TRDN: variants seen among roughly 807,000 people sequenced by gnomAD.
The protein encoded by TRDN is triadin.
TRDN carries 161 observed loss-of-function variants against 149.7 expected under a neutral mutation model. That is an observed-to-expected ratio of 1.08 (90% confidence interval 0.95 to 1.23). The LOEUF (loss-of-function observed/expected upper bound fraction) is 1.23, where lower values mean the gene tolerates loss of function less well. Among genes scored for constraint, TRDN ranks in the 50% most tolerant of loss-of-function variants. The pLI, the probability that TRDN is intolerant of heterozygous loss-of-function variation, is 0.00. For missense variants in TRDN, 896 were observed against 823.5 expected (o/e 1.09, Z -1.08); for synonymous variants, 294 against 250.5 (o/e 1.17, Z -1.64).
chr6:123,531,136 T>G (rs1780233411), intron 4 of TRDN, among the ~76,000 whole-genome samples: 1 of 151,992 alleles, frequency 6.6e-6, no homozygotes, highest in African/African-American at 2.4e-5. Flanking sequence ...AACATCAGGT[T>G]TTAGCAAATA....
At chr6:123,240,582 C>A (rs1232108303) in intron 38 of TRDN, among the ~76,000 whole-genome samples, 1 of 151,674 alleles carries the variant, frequency 6.6e-6, no homozygotes, top group Non-Finnish European at 1.5e-5. Context: ...TTCAGCAATT[C>A]AGTTTATTTT....
chr6:123,570,594 T>G (rs1782521181), intron 2 of TRDN, among the ~76,000 whole-genome samples: 1 of 152,204 alleles, frequency 6.6e-6, no homozygotes, highest in South Asian at 2.1e-4. Context: ...TTATTCCTTA[T>G]TAATGCTTGA....
chr6:123,311,846 G>T (rs1778835920), intron 24 of TRDN, among the ~76,000 whole-genome samples: 1 of 151,966 alleles, frequency 6.6e-6, no homozygotes, highest in Non-Finnish European at 1.5e-5. Context: ...GACTTCACAG[G>T]ATGTATGACA....
chr6:123,428,917 G>A (rs559182710), intron 12 of TRDN, among the ~76,000 whole-genome samples: 108 of 152,242 alleles, frequency 7.1e-4, no homozygotes, highest in African/African-American at 2.6e-3. Flanking sequence ...TTCCTTGCAT[G>A]TATTATGGGA....
intron 1 of TRDN, among the ~76,000 whole-genome samples, chr6:123,597,858 A>G (rs1784108730): frequency 6.6e-6 from 1 of 152,132 alleles, no homozygotes; most frequent in Admixed American, 6.6e-5. Context: ...GTACTGGGAT[A>G]CCAAAGAATT....
intron 10 of TRDN, among the ~76,000 whole-genome samples, chr6:123,454,815 G>A (rs1442381786): frequency 6.6e-6 from 1 of 152,188 alleles, no homozygotes; most frequent in African/African-American, 2.4e-5. Flanking sequence ...CTGATGATCT[G>A]AAGTGGAACA....
rs770273678 is a variant in TRDN at position 123,559,261 on chromosome 6, A to G, written c.233-10649T>C. ...TCAAGGGCCTGTTTCCCTTGCCTCC[A>G]TAACTGTTGTGGGTATTGATGGCCA... On this transcript the variant is annotated intron_variant, in intron 2 of 40. Coordinates refer to ENST00000334268, the MANE Select transcript of TRDN (RefSeq NM_006073.4). Among the ~76,000 whole-genome samples the G allele has an allele frequency of 1.4e-4, 21 of 152,250 alleles. No homozygotes were observed. The East Asian group carries it at 1.9e-3, about 14-fold the overall frequency.
At chr6:123,595,109 C>T (rs1174261889) in intron 1 of TRDN, among the ~76,000 whole-genome samples, 2 of 152,024 alleles carry the variant, frequency 1.3e-5, no homozygotes, top group Non-Finnish European at 2.9e-5. Flanking sequence ...GCAACATTTC[C>T]TGGTGTCCTG....
chr6:123,551,203 GATATAT>G (rs10547981), intron 2 of TRDN, among the ~76,000 whole-genome samples: 69,508 of 118,222 alleles, frequency 0.59, 22,451 homozygotes, highest in East Asian at 0.9. Context: ...GTATTTTGCA[GATATAT>G]ATATATATAT....
intron 2 of TRDN, among the ~76,000 whole-genome samples, chr6:123,567,038 G>T (rs547673676): frequency 6.6e-6 from 1 of 152,200 alleles, no homozygotes; most frequent in Admixed American, 6.5e-5. Context: ...CCATTGGAGA[G>T]CTGCAATTAA....
At chr6:123,524,433 G>A (rs561477852) in intron 5 of TRDN, among the ~76,000 whole-genome samples, 1 of 152,170 alleles carries the variant, frequency 6.6e-6, no homozygotes, top group South Asian at 2.1e-4. Context: ...AATGCTAAGG[G>A]ATTATCCAAT....
At position 123,450,937 on chromosome 6, in the gene TRDN, T is replaced by A. The variant is rs1238483457; in HGVS notation, c.932-11934A>T. ...CAGTGGAATAAAACTGGAAATCAAC[T>A]GCAAAAGGAATCTTCAAAACCATGC... On this transcript the variant is annotated intron_variant, in intron 10 of 40. Coordinates refer to ENST00000334268, the MANE Select transcript of TRDN (RefSeq NM_006073.4). 4.6e-5 allele frequency among the ~76,000 whole-genome samples: 7 copies of A among 152,090 alleles called. No individual in the cohort carries two copies. The East Asian group carries it at 1.2e-3, about 25-fold the overall frequency.
intron 38 of TRDN, among the ~76,000 whole-genome samples, chr6:123,225,477 T>A (rs1775318934): frequency 6.6e-6 from 1 of 151,560 alleles, no homozygotes; most frequent in African/African-American, 2.4e-5. Flanking sequence ...CTTGAAACTT[T>A]CTAAGAGAGT....
At chr6:123,465,824 C>T (rs945347809) in intron 9 of TRDN, among the ~76,000 whole-genome samples, 7 of 152,158 alleles carry the variant, frequency 4.6e-5, no homozygotes, top group African/African-American at 1.7e-4. Flanking sequence ...GCAACATGGG[C>T]ATGTGTAACT....
At chr6:123,488,581 T>G (rs1778072559) in intron 9 of TRDN, 1 of 152,204 alleles carries the variant, frequency 6.6e-6, no homozygotes, top group African/African-American at 2.4e-5. Context: ...GTGATAGCTC[T>G]AAAAGTATCT....
intron 9 of TRDN, among the ~76,000 whole-genome samples, chr6:123,475,940 A>C (rs1486163668): frequency 1.4e-5 from 2 of 146,764 alleles, no homozygotes; most frequent in East Asian, 2.1e-4. Context: ...TGACAAACCC[A>C]CAGCCAATAT....
intron 9 of TRDN, chr6:123,468,698 G>T (rs1776979740): frequency 6.6e-6 from 1 of 152,118 alleles, no homozygotes; most frequent in Non-Finnish European, 1.5e-5. Flanking sequence ...GTTTCTTTAT[G>T]AACGAGATTC....
At chr6:123,613,655 T>G (rs1034291004) in intron 1 of TRDN, among the ~76,000 whole-genome samples, 2 of 152,172 alleles carry the variant, frequency 1.3e-5, no homozygotes, top group East Asian at 1.9e-4. Flanking sequence ...ATTGATAATA[T>G]TTGTGTTAAA....
chr6:123,389,895 G>T (rs1245692931), intron 13 of TRDN, among the ~76,000 whole-genome samples: 2 of 152,008 alleles, frequency 1.3e-5, no homozygotes, highest in East Asian at 3.8e-4. Context: ...TATGGACATG[G>T]CCTGATGAAT....
Sources: gnomAD v4.1 joint callset for allele counts (sites outside exome capture counted in the v4.1 genomes callset) on GRCh38, gnomAD v4.1.1 for gene constraint, MANE v1.5 for transcripts, NCBI Gene and HGNC (gene_info 2026-07-23, HGNC 2026-07-21) for gene names.